EML1: variants seen among roughly 807,000 people sequenced by gnomAD.
EML1 encodes the protein echinoderm microtubule-associated protein-like 1.
EML1 carries 27 observed loss-of-function variants against 110.4 expected under a neutral mutation model. The ratio of observed to expected loss-of-function variants is 0.24; its 90% CI spans 0.18 to 0.34. The LOEUF (loss-of-function observed/expected upper bound fraction) is 0.34, where lower values mean the gene tolerates loss of function less well. EML1 is among the 10% of genes least tolerant of loss of function. The pLI is 1.00. For missense variants in EML1, 741 were observed against 1,030.9 expected, an observed-to-expected ratio of 0.72 and a Z score of 3.85; for synonymous variants, 344 against 385.8, an observed-to-expected ratio of 0.89 and a Z score of 1.27.
intron 2 of EML1, among the ~76,000 whole-genome samples, chr14:99,860,665 T>A (rs531399927): frequency 2.2e-4 from 33 of 152,308 alleles, no homozygotes; most frequent in African/African-American, 7.9e-4. Context: ...GGGGTTACGA[T>A]GCTATTTAAT....
chr14:99,799,916 C>G lies in EML1; in HGVS notation c.67+6373C>G, dbSNP rs191373722. On this transcript the variant is annotated intron_variant, in intron 1 of 21. Coordinates refer to ENST00000262233, the MANE Select transcript of EML1 (RefSeq NM_004434.3). ...GAAAACGGAACATGAAAGCATTGCT[C>G]TCTCTAGTAAGACAGTCTCTCCAAG... 5.9e-5 allele frequency among the ~76,000 whole-genome samples: 9 copies of G among 152,314 alleles called. No homozygotes were observed. The East Asian group carries it at 1.7e-3, about 29-fold the overall frequency.
At chr14:99,746,526 GAA>G (rs982250907) in intron 1 of EML1, among the ~76,000 whole-genome samples, 2 of 152,158 alleles carry the variant, frequency 1.3e-5, no homozygotes, top group African/African-American at 4.8e-5. Flanking sequence ...TGTGCAGCAT[GAA>G]GAGAAACAGG....
chr14:99,766,990 G>A (rs1470363399), intron 1 of EML1, among the ~76,000 whole-genome samples: 1 of 152,156 alleles, frequency 6.6e-6, no homozygotes, highest in Non-Finnish European at 1.5e-5. Context: ...TTTTCCAAAG[G>A]TCCTCTTGCT....
intron 11 of EML1, among the ~76,000 whole-genome samples, chr14:99,909,848 C>T (rs1007715413): frequency 2.0e-5 from 3 of 152,148 alleles, no homozygotes; most frequent in Admixed American, 6.5e-5. Context: ...GGGACAGCAC[C>T]TTTTCCCGGG....
chr14:99,839,984 C>T lies in EML1; in HGVS notation c.68-10869C>T, dbSNP rs564725159. Among the ~76,000 whole-genome samples the T allele has an allele frequency of 6.7e-4, 102 of 152,216 alleles. No homozygotes were observed. The South Asian group carries it at 6.9e-3, about 10-fold the overall frequency. ...TGACAGCAAGGCCGAAATCCAGGCC[C>T]GCAAGTGGCAGAGCAATGACAGTTA... On this transcript the variant is annotated intron_variant, in intron 1 of 21. Transcript: ENST00000262233.
chr14:99,754,624 A>G (rs1465816180), intron 1 of EML1, among the ~76,000 whole-genome samples: 1 of 152,022 alleles, frequency 6.6e-6, no homozygotes, highest in Non-Finnish European at 1.5e-5. Context: ...GCATGCATCA[A>G]CTCACTTCTT....
chr14:99,932,236 G>A lies in EML1; in HGVS notation c.1910-3793G>A, dbSNP rs569314023. 7.9e-5 allele frequency among the ~76,000 whole-genome samples: 12 copies of A among 152,344 alleles called. No homozygotes were observed. In the South Asian group the frequency reaches 2.3e-3, roughly 29 times the overall value. Reference sequence around the variant, plus strand: ...AGGTGAGCTTCAACTCCTGCATGAAGACCGTGGATTAGAATAGGAAAAAGG... The same window carrying A: ...AGGTGAGCTTCAACTCCTGCATGAAAACCGTGGATTAGAATAGGAAAAAGG... On this transcript the variant is annotated intron_variant, in intron 17 of 21. Coordinates refer to ENST00000262233, the MANE Select transcript of EML1 (RefSeq NM_004434.3).
chr14:99,883,752 G>A (rs2059428287), intron 4 of EML1, among the ~76,000 whole-genome samples: 1 of 152,170 alleles, frequency 6.6e-6, no homozygotes, highest in East Asian at 1.9e-4. Flanking sequence ...ATGTCTTTGT[G>A]TGAATAAATG....
intron 9 of EML1, 82 bp downstream of exon 9, chr14:99,901,121 C>CA (rs2059756337): frequency 8.6e-7 from 1 of 1,163,014 alleles, no homozygotes; most frequent in Non-Finnish European, 1.3e-6. Context: ...GGGGAGTTGA[C>CA]ACACTCGATA....
At chr14:99,796,939 G>A (rs2139673950) in intron 1 of EML1, among the ~76,000 whole-genome samples, 1 of 151,712 alleles carries the variant, frequency 6.6e-6, no homozygotes, top group Admixed American at 6.6e-5. Flanking sequence ...GTGTGTGTGA[G>A]AGAGTAATAG....
Position 99,865,511 on chromosome 14 carries a change from C to T in EML1, c.251-3C>T, listed in dbSNP as rs1351882919. The T allele has an allele frequency of 1.2e-6, 2 of 1,613,802 alleles. No homozygotes were observed. Among genetic ancestry groups the T allele is most frequent in the Admixed American group, 1.7e-5 (1 of 59,914 alleles). ...CTGATATTATTTTCTGCTTGTCTTA[C>T]AGCAAGACCACTGATGCAGACCCTG... On this transcript the variant is annotated splice_region_variant and splice_polypyrimidine_tract_variant and intron_variant, in intron 2 of 21. Transcript: ENST00000262233.
intron 1 of EML1, among the ~76,000 whole-genome samples, chr14:99,831,780 G>A (rs2058458877): frequency 6.6e-6 from 1 of 151,426 alleles, no homozygotes; most frequent in Non-Finnish European, 1.5e-5. Context: ...TCCAGCAGTT[G>A]AGTAGGTTTG....
At chr14:99,843,484 G>A (rs918039873) in intron 1 of EML1, among the ~76,000 whole-genome samples, 2 of 152,124 alleles carry the variant, frequency 1.3e-5, no homozygotes, top group Middle Eastern at 3.2e-3. Context: ...TGCACTATAT[G>A]CAAAAAGTAT....
At chr14:99,763,485 C>T (rs1295689936) in intron 1 of EML1, among the ~76,000 whole-genome samples, 1 of 152,178 alleles carries the variant, frequency 6.6e-6, no homozygotes, top group Non-Finnish European at 1.5e-5. Context: ...AGGTGGGGCA[C>T]TACTCCCGGT....
At chr14:99,739,102 GACA>G (rs2057007873) in intron 1 of EML1, among the ~76,000 whole-genome samples, 1 of 114,088 alleles carries the variant, frequency 8.8e-6, no homozygotes, top group Non-Finnish European at 1.9e-5. Context: ...GAGAGAGAGA[GACA>G]GAGAGAGAGA....
upstream of EML1, among the ~76,000 whole-genome samples, chr14:99,770,171 T>C (rs142317799): frequency 3.3e-5 from 5 of 152,276 alleles, no homozygotes; most frequent in Admixed American, 2.0e-4. Context: ...TATAAAAGAA[T>C]ATCATAGACT....
rs1225328363 is a variant in EML1, at chr14:99,936,877, A to C, written c.2095+543A>C. ...TTACAAGCACATCCTCATGCCACGC[A>C]CTGGTTCCTTAGACACCCACCAGGC... On this transcript the variant is annotated intron_variant, in intron 19 of 21. Coordinates refer to ENST00000262233, the MANE Select transcript of EML1 (RefSeq NM_004434.3). The surrounding 1 kb of genome is among the most constrained non-coding windows in gnomAD (Gnocchi z 5.5). 6.6e-6 allele frequency among the ~76,000 whole-genome samples: 1 copy of C among 152,142 alleles called. No individual in the cohort carries two copies. The highest frequency in any genetic ancestry group is 2.4e-5 in the African/African-American group (1 of 41,432).
At chr14:99,881,594 C>T (rs533690324) in intron 4 of EML1, among the ~76,000 whole-genome samples, 1 of 134,966 alleles carries the variant, frequency 7.4e-6, no homozygotes, top group Admixed American at 8.4e-5. Flanking sequence ...AAACTATATT[C>T]TTTTTCTTTT....
At position 99,827,763 on chromosome 14, in the gene EML1, A is replaced by G. The variant is rs998513287; in HGVS notation, c.68-23090A>G. Among the ~76,000 whole-genome samples, 5 of 152,162 alleles carry G rather than the reference A, an allele frequency of 3.3e-5. No homozygotes were observed. The highest frequency in any genetic ancestry group is 5.9e-5 in the Non-Finnish European group (4 of 68,016). On this transcript the variant is annotated intron_variant, in intron 1 of 21. Coordinates refer to ENST00000262233, the MANE Select transcript of EML1 (RefSeq NM_004434.3). The surrounding 1 kb of genome is among the most constrained non-coding windows in gnomAD (Gnocchi z 4.4). ...ATCTCAGGAAGCTAAACTTGATCTC[A>G]GATGTCCAGCCTCCAGGATTGTTTA...
Sources: gnomAD v4.1 joint callset for allele counts (sites outside exome capture counted in the v4.1 genomes callset) on GRCh38, gnomAD v4.1.1 for gene constraint, Gnocchi (gnomAD v3.1) non-coding constraint, MANE v1.5 for transcripts, NCBI Gene and HGNC (gene_info 2026-07-23, HGNC 2026-07-21) for gene names.